AUTS2: variants seen among roughly 807,000 people sequenced by gnomAD.
AUTS2 encodes autism susceptibility gene 2 protein.
AUTS2 carries 17 observed loss-of-function variants against 112.4 expected under a neutral mutation model. The ratio of observed to expected loss-of-function variants is 0.15; its 90% CI spans 0.10 to 0.23. The LOEUF is 0.23. Ranked by LOEUF, AUTS2 falls within the 10% of genes least tolerant of loss-of-function variation. The pLI, the probability that AUTS2 is intolerant of heterozygous loss-of-function variation, is 1.00. For missense variants in AUTS2, 1,510 were observed against 1,701.6 expected (o/e 0.89, Z 1.98); for synonymous variants, 751 against 702.7 (o/e 1.07, Z -1.09).
chr7:70,700,694 G>T (rs1245547171), intron 6 of AUTS2, among the ~76,000 whole-genome samples: 1 of 152,198 alleles, frequency 6.6e-6, no homozygotes, highest in African/African-American at 2.4e-5. Flanking sequence ...TTCAAAAAGG[G>T]ATTCATTGTG....
intron 1 of AUTS2, among the ~76,000 whole-genome samples, chr7:69,726,588 A>G (rs1315333421): frequency 6.6e-6 from 1 of 150,856 alleles, no homozygotes; most frequent in Non-Finnish European, 1.5e-5. Flanking sequence ...TGTTATAGGT[A>G]TGTCAGTGTA....
At chr7:69,657,757 G>A (rs11764277) in intron 1 of AUTS2, among the ~76,000 whole-genome samples, 14,802 of 152,200 alleles carry the variant, frequency 0.097, 1,137 homozygotes, top group African/African-American at 0.21. Context: ...AGAAATTAAG[G>A]AGAAATTTCC....
chr7:69,857,863 G>A (rs1792804183), intron 1 of AUTS2, among the ~76,000 whole-genome samples: 1 of 152,038 alleles, frequency 6.6e-6, no homozygotes, highest in Non-Finnish European at 1.5e-5. Flanking sequence ...TAACACCTGT[G>A]TGCCAAAAGG....
chr7:70,502,612 G>T (rs953729320), intron 5 of AUTS2, among the ~76,000 whole-genome samples: 1 of 152,136 alleles, frequency 6.6e-6, no homozygotes, highest in Non-Finnish European at 1.5e-5. Flanking sequence ...AATGCAGGTT[G>T]TTCACATCCA....
intron 1 of AUTS2, among the ~76,000 whole-genome samples, chr7:69,691,675 C>T (rs1343503472): frequency 1.3e-5 from 2 of 151,834 alleles, no homozygotes; most frequent in African/African-American, 4.8e-5. Context: ...TGCCTGGGTC[C>T]AGAGCCACAG....
chr7:70,004,059 A>AAT (rs1423714508), intron 2 of AUTS2, among the ~76,000 whole-genome samples: 2 of 124,318 alleles, frequency 1.6e-5, no homozygotes, highest in Non-Finnish European at 3.1e-5. Flanking sequence ...GTTATATGTG[A>AAT]ATATATATAT....
intron 1 of AUTS2, among the ~76,000 whole-genome samples, chr7:69,711,725 A>G (rs1584114119): frequency 6.6e-6 from 1 of 152,302 alleles, no homozygotes; most frequent in East Asian, 1.9e-4. Context: ...GATTCCTTAC[A>G]TGAGTTCTTC....
At position 69,598,618 on chromosome 7, in the gene AUTS2, C is replaced by T; in HGVS notation, c.-1036C>T. 2 of 172,252 alleles carry T rather than the reference C, an allele frequency of 1.2e-5. No individual in the cohort carries two copies. Among genetic ancestry groups the T allele is most frequent in the Non-Finnish European group, 2.4e-5 (2 of 82,830 alleles). The allele number at this position is 172,252 out of a possible 1,614,324, so 10.7% of individuals were successfully genotyped here. On this transcript the variant is annotated 5_prime_UTR_variant, in exon 1 of 19. Transcript: ENST00000342771. ...TTCCCGGCTGCGCTTCTCCCTCAGG[C>T]GGGGCGGCGAGAGAAGCGGCGGCGG...
Position 70,578,232 on chromosome 7 carries a change from T to A in AUTS2, c.691-120337T>A, listed in dbSNP as rs181922084. On this transcript the variant is annotated intron_variant, in intron 5 of 18. Transcript: ENST00000342771. ...TTAGAGCTAAAAGGGACCTTAAAGATCATCTAGTCTAGAGATGGCAAATAA... is the reference window on the plus strand; with the variant it reads ...TTAGAGCTAAAAGGGACCTTAAAGAACATCTAGTCTAGAGATGGCAAATAA... 2.6e-5 allele frequency among the ~76,000 whole-genome samples: 4 copies of A among 152,358 alleles called. No individual in the cohort carries two copies. In the East Asian group the frequency reaches 7.7e-4, roughly 29 times the overall value.
intron 5 of AUTS2, among the ~76,000 whole-genome samples, chr7:70,502,865 T>G: frequency 6.6e-6 from 1 of 151,012 alleles, no homozygotes; most frequent in Non-Finnish European, 1.5e-5. Context: ...AAAGAAGATG[T>G]GATCTTCCAA....
intron 1 of AUTS2, among the ~76,000 whole-genome samples, chr7:69,687,995 A>G (rs1797140203): frequency 6.6e-6 from 1 of 152,214 alleles, no homozygotes; most frequent in Middle Eastern, 3.2e-3. Flanking sequence ...AGCAGTAAAA[A>G]TATGTATTAA....
At chr7:70,030,346 G>GATT (rs1800718988) in intron 2 of AUTS2, among the ~76,000 whole-genome samples, 1 of 152,162 alleles carries the variant, frequency 6.6e-6, no homozygotes, top group Non-Finnish European at 1.5e-5. Flanking sequence ...CATTTGACAG[G>GATT]TGTGAGGTTT....
At chr7:69,930,933 T>A (rs1275136147) in intron 2 of AUTS2, among the ~76,000 whole-genome samples, 1 of 152,182 alleles carries the variant, frequency 6.6e-6, no homozygotes, top group African/African-American at 2.4e-5. Context: ...TTAAGGTGAG[T>A]ATTCAGGGAA....
Position 70,763,283 on chromosome 7 carries a change from A to G in AUTS2, c.1156A>G (p.Ser386Gly), listed in dbSNP as rs752093778. 1 of 1,606,686 alleles carries G rather than the reference A, an allele frequency of 6.2e-7. No individual in the cohort carries two copies. Among genetic ancestry groups the G allele is most frequent in the Non-Finnish European group, 8.5e-7 (1 of 1,175,700 alleles). The change falls in exon 7 of 19, where the codon AGC becomes GGC. Residue 386 changes from serine (S) to glycine (G), a missense_variant. This residue lies in a region of AUTS2 where 535 missense variants were observed against 594.3 expected (regional missense o/e 0.90). Transcript: ENST00000342771. ...PPVQAHPSAQSLSQPLSAYNS... is the reference protein window; with the variant it reads ...PPVQAHPSAQGLSQPLSAYNS... ...TGTGCAGGCCCACCCCTCTGCTCAG[A>G]GCCTCTCCCAGCCATTGTCAGCCTA... is the stretch of plus-strand genomic sequence containing the variant.
chr7:69,977,791 CT>C, intron 2 of AUTS2, among the ~76,000 whole-genome samples: 1 of 152,248 alleles, frequency 6.6e-6, no homozygotes, highest in Middle Eastern at 3.4e-3. Flanking sequence ...AACTCCAAAT[CT>C]GATGACATCA....
intron 11 of AUTS2, among the ~76,000 whole-genome samples, chr7:70,773,688 A>C (rs1248106053): frequency 6.6e-6 from 1 of 152,264 alleles, no homozygotes. Context: ...TAAGCAAAAA[A>C]ACAGTGGCAG....
At chr7:70,535,930 A>C (rs929162336) in intron 5 of AUTS2, among the ~76,000 whole-genome samples, 3 of 152,344 alleles carry the variant, frequency 2.0e-5, no homozygotes, top group East Asian at 3.9e-4. Context: ...AGTGTAAAAC[A>C]AAGGATCTCA....
At chr7:70,568,949 A>G (rs1051829831) in intron 5 of AUTS2, among the ~76,000 whole-genome samples, 4 of 152,196 alleles carry the variant, frequency 2.6e-5, no homozygotes, top group Admixed American at 1.3e-4. Context: ...AAGAGTGACA[A>G]ATGGTTCTTG....
chr7:70,650,222 C>T (rs1402023230), intron 5 of AUTS2, among the ~76,000 whole-genome samples: 6 of 152,168 alleles, frequency 3.9e-5, no homozygotes, highest in Non-Finnish European at 7.3e-5. Flanking sequence ...AGCAAACTTC[C>T]CCTCAGGTTT....
Sources: gnomAD v4.1 joint callset for allele counts (sites outside exome capture counted in the v4.1 genomes callset) on GRCh38, gnomAD v4.1.1 for gene constraint, gnomAD v4.1.1 regional missense constraint, MANE v1.5 for transcripts, NCBI Gene and HGNC (gene_info 2026-07-23, HGNC 2026-07-21) for gene names.